SPMIP4: variants seen among roughly 807,000 people sequenced by gnomAD.
The protein encoded by SPMIP4 is sperm-associated microtubule inner protein 4.
the SPMIP4 span, among the ~76,000 whole-genome samples, chr7:25,141,370 G>A: frequency 1.3e-5 from 2 of 151,994 alleles, no homozygotes; most frequent in East Asian, 1.9e-4. Flanking sequence ...TCAGGAGATC[G>A]AGACCATCCT....
the SPMIP4 span, among the ~76,000 whole-genome samples, chr7:25,178,127 A>C: frequency 6.6e-6 from 1 of 152,222 alleles, no homozygotes; most frequent in African/African-American, 2.4e-5. Context: ...ACGTTGCTGC[A>C]AAGGACATGA....
At chr7:25,152,724 T>C in the SPMIP4 span, among the ~76,000 whole-genome samples, 6 of 137,822 alleles carry the variant, frequency 4.4e-5, no homozygotes, top group Admixed American at 1.5e-4. Context: ...TTTTCCTCCC[T>C]CCCTCCCTCC....
chr7:25,157,793 G>A, the SPMIP4 span, among the ~76,000 whole-genome samples: 1 of 152,132 alleles, frequency 6.6e-6, no homozygotes, highest in Admixed American at 6.5e-5. Flanking sequence ...AGGAAAAACT[G>A]AGGAAATCTG....
the SPMIP4 span, among the ~76,000 whole-genome samples, chr7:25,178,391 T>A: frequency 2.0e-5 from 3 of 152,198 alleles, no homozygotes; most frequent in African/African-American, 7.2e-5. Flanking sequence ...TTGAGTTCTT[T>A]GAGAAATCAC....
At chr7:25,134,965 T>C in the SPMIP4 span, 4 of 984,706 alleles carry the variant, frequency 4.1e-6, 1 homozygote, top group Middle Eastern at 1.6e-3. Flanking sequence ...AAAAATTCTC[T>C]AACTTTAGCC....
the SPMIP4 span, among the ~76,000 whole-genome samples, chr7:25,163,207 A>G: frequency 6.6e-6 from 1 of 152,258 alleles, no homozygotes; most frequent in Non-Finnish European, 1.5e-5. The surrounding 1 kb of genome is among the most constrained non-coding windows in gnomAD (Gnocchi z 4.4). Flanking sequence ...ATTGTAGAAT[A>G]CTGTGAGAAA....
chr7:25,165,170 G>T, the SPMIP4 span, among the ~76,000 whole-genome samples: 1 of 152,166 alleles, frequency 6.6e-6, no homozygotes, highest in East Asian at 1.9e-4. Context: ...GACCAGGTGT[G>T]GGAATGAGGA....
At chr7:25,136,576 T>C in the SPMIP4 span, 1 of 1,614,210 alleles carries the variant, frequency 6.2e-7, no homozygotes, top group East Asian at 2.2e-5. This position sits in a 1 kb window ranked among gnomAD's most constrained non-coding sequence, Gnocchi z 5.7. Flanking sequence ...CTGGTTTTTA[T>C]GGGTCACACC....
At chr7:25,170,594 AAC>A in the SPMIP4 span, among the ~76,000 whole-genome samples, 18 of 152,320 alleles carry the variant, frequency 1.2e-4, no homozygotes, top group East Asian at 3.5e-3. Flanking sequence ...CATATCTAAG[AAC>A]ACAGTTACAA....
the SPMIP4 span, among the ~76,000 whole-genome samples, chr7:25,147,308 A>G: frequency 6.6e-6 from 1 of 152,080 alleles, no homozygotes; most frequent in Non-Finnish European, 1.5e-5. Flanking sequence ...TAAAAATAAA[A>G]CCTATTTATG....
At chr7:25,136,596 G>A in the SPMIP4 span, 1 of 1,614,190 alleles carries the variant, frequency 6.2e-7, no homozygotes, top group South Asian at 1.1e-5. The surrounding 1 kb of genome is among the most constrained non-coding windows in gnomAD (Gnocchi z 5.7). Flanking sequence ...CGGCTGGTAT[G>A]TTATCACTAA....
chr7:25,155,972 G>A, the SPMIP4 span, among the ~76,000 whole-genome samples: 2 of 152,070 alleles, frequency 1.3e-5, no homozygotes, highest in African/African-American at 2.4e-5. Flanking sequence ...CCTCCCTTCC[G>A]CCCTCATCCA....
At chr7:25,176,903 TA>T in the SPMIP4 span, among the ~76,000 whole-genome samples, 3 of 152,220 alleles carry the variant, frequency 2.0e-5, no homozygotes, top group Non-Finnish European at 4.4e-5. This position sits in a 1 kb window ranked among gnomAD's most constrained non-coding sequence, Gnocchi z 4.4. Context: ...GGTGAAAGGC[TA>T]AGCGCAAGAA....
the SPMIP4 span, among the ~76,000 whole-genome samples, chr7:25,164,799 C>A: frequency 6.6e-6 from 1 of 152,144 alleles, no homozygotes; most frequent in Non-Finnish European, 1.5e-5. Context: ...CCCCCTGAGT[C>A]CCCAGAGTCC....
the SPMIP4 span, among the ~76,000 whole-genome samples, chr7:25,147,207 T>G: frequency 1.3e-5 from 2 of 152,144 alleles, no homozygotes; most frequent in Admixed American, 6.5e-5. Context: ...GGCAGGAGAA[T>G]TGCTTGAACC....
chr7:25,135,418 A>T, the SPMIP4 span: 1 of 985,566 alleles, frequency 1.0e-6, no homozygotes, highest in Non-Finnish European at 1.2e-6. Context: ...TGTTTACATA[A>T]AGGAACAGAG....
the SPMIP4 span, among the ~76,000 whole-genome samples, chr7:25,137,316 T>TAAA: frequency 7.3e-6 from 1 of 137,276 alleles, no homozygotes; most frequent in African/African-American, 2.7e-5. Context: ...TTTTTTTTTT[T>TAAA]TTTATTTTTT....
the SPMIP4 span, chr7:25,158,546 G>C: frequency 6.2e-7 from 1 of 1,605,272 alleles, no homozygotes; most frequent in Admixed American, 1.7e-5. Flanking sequence ...ATAAAAACAG[G>C]AAACAAGTTC....
chr7:25,144,912 T>C, the SPMIP4 span, among the ~76,000 whole-genome samples: 2 of 152,026 alleles, frequency 1.3e-5, no homozygotes, highest in Non-Finnish European at 2.9e-5. Flanking sequence ...GATCTCCTTA[T>C]CTTTTTCATT....
Sources: gnomAD v4.1 joint callset for allele counts (sites outside exome capture counted in the v4.1 genomes callset) on GRCh38, gnomAD v4.1.1 for gene constraint, Gnocchi (gnomAD v3.1) non-coding constraint, MANE v1.5 for transcripts, NCBI Gene and HGNC (gene_info 2026-07-23, HGNC 2026-07-21) for gene names.